Variants in GUCA1C observed in about 807,000 individuals in gnomAD.
GUCA1C encodes the protein guanylyl cyclase-activating protein 3.
A neutral mutation model predicts 16.2 loss-of-function variants in GUCA1C; 15 were observed. The ratio of observed to expected loss-of-function variants is 0.93; its 90% CI spans 0.62 to 1.43. The LOEUF is 1.43. GUCA1C is among the 40% of genes most tolerant of loss of function. The pLI is 0.00. For synonymous variants in GUCA1C, 78 were observed against 85.4 expected, an observed-to-expected ratio of 0.91 and a Z score of 0.48; for missense variants, 275 against 244.8, an observed-to-expected ratio of 1.12 and a Z score of -0.82.
chr3:108,948,282 GGTT>G (rs1946862834), intron 1 of GUCA1C, among the ~76,000 whole-genome samples: 2 of 152,120 alleles, frequency 1.3e-5, no homozygotes, highest in South Asian at 2.1e-4. Flanking sequence ...CACGAGATCT[GGTT>G]GTTTAAAAGT....
intron 1 of GUCA1C, among the ~76,000 whole-genome samples, chr3:108,932,318 C>T (rs2107299731): frequency 8.0e-6 from 1 of 125,174 alleles, no homozygotes; most frequent in Admixed American, 8.1e-5. Context: ...TCCTAGACCT[C>T]CCACCAAAAA....
At chr3:108,926,343 G>A (rs145014882) in intron 1 of GUCA1C, among the ~76,000 whole-genome samples, 25 of 152,272 alleles carry the variant, frequency 1.6e-4, no homozygotes, top group African/African-American at 6.0e-4. Context: ...GTCTCTTGAA[G>A]GCAGCAGATA....
intron 1 of GUCA1C, among the ~76,000 whole-genome samples, chr3:108,932,520 A>G (rs1946679504): frequency 6.6e-6 from 1 of 152,158 alleles, no homozygotes; most frequent in South Asian, 2.1e-4. Context: ...CCAAGTGGCT[A>G]CTGTAGTTGT....
chr3:108,952,805 A>T (rs1946907662), intron 1 of GUCA1C, among the ~76,000 whole-genome samples: 1 of 152,186 alleles, frequency 6.6e-6, no homozygotes, highest in Non-Finnish European at 1.5e-5. Flanking sequence ...TAACCAAAAT[A>T]AACAAGTAAA....
rs59451506 is a variant in GUCA1C, at chr3:108,931,865, C to CTTTTTTTTTTTTTTT, written c.205-11295_205-11281dup. 3.6e-5 allele frequency among the ~76,000 whole-genome samples: 4 copies of CTTTTTTTTTTTTTTT among 110,142 alleles called. 2 individuals are homozygous for CTTTTTTTTTTTTTTT. The highest frequency in any genetic ancestry group is 3.5e-5 in the Non-Finnish European group (2 of 56,606). 72.3% of individuals were successfully genotyped at this position (110,142 alleles called of 152,430 possible). On this transcript the variant is annotated intron_variant, in intron 1 of 3. Coordinates refer to ENST00000261047, the MANE Select transcript of GUCA1C (RefSeq NM_005459.4). ...AAGGGAACAGTTTTTTTTCTTCCTT[C>CTTTTTTTTTTTTTTT]TTTTTTTTTTTTTTTTTTTTTGAGA... is the stretch of plus-strand genomic sequence containing the variant.
rs1452058013 is a variant in GUCA1C at position 108,953,569 on chromosome 3, T to C, written c.194A>G (p.Asp65Gly). 1 of 1,593,042 alleles carries C rather than the reference T, an allele frequency of 6.3e-7. No individual in the cohort carries two copies. The highest frequency in any genetic ancestry group is 8.6e-7 in the Non-Finnish European group (1 of 1,160,778). Residue 65 changes from aspartate (D) to glycine (G), a missense_variant, in exon 1 of 4, where the codon GAC (aspartate) becomes GGC (glycine). Coordinates refer to ENST00000261047, the MANE Select transcript of GUCA1C (RefSeq NM_005459.4). ...AATGAAAGATCTTACCTTGTTCGTG[T>C]CAAAGGTATTATAAACTTGATCAAT... The part of the protein sequence containing the change: ...KHIDQVYNTF[D>G]TNKDGFVDFL...
intron 1 of GUCA1C, among the ~76,000 whole-genome samples, chr3:108,936,379 T>C (rs1946727999): frequency 6.6e-6 from 1 of 152,218 alleles, no homozygotes; most frequent in African/African-American, 2.4e-5. Flanking sequence ...CTGGACACTG[T>C]GTTAGTCACT....
At chr3:108,944,822 G>C (rs1372148531) in intron 1 of GUCA1C, among the ~76,000 whole-genome samples, 1 of 152,176 alleles carries the variant, frequency 6.6e-6, no homozygotes. Context: ...GGGAAATGTG[G>C]GATTTGAGGG....
At chr3:108,922,497 A>T (rs1253830722) in intron 1 of GUCA1C, among the ~76,000 whole-genome samples, 10 of 151,788 alleles carry the variant, frequency 6.6e-5, no homozygotes, top group Non-Finnish European at 1.3e-4. Flanking sequence ...CCACACCAAC[A>T]TTTGTTGTTT....
chr3:108,949,665 T>G (rs1946878567), intron 1 of GUCA1C, among the ~76,000 whole-genome samples: 1 of 152,194 alleles, frequency 6.6e-6, no homozygotes, highest in Admixed American at 6.5e-5. Context: ...ATTGTGACGG[T>G]TGAATGTATT....
At chr3:108,933,204 C>CAATGTAAAGAATCTA (rs1224697666) in intron 1 of GUCA1C, among the ~76,000 whole-genome samples, 12 of 152,088 alleles carry the variant, frequency 7.9e-5, no homozygotes, top group African/African-American at 2.9e-4. Flanking sequence ...ATCTATTTGG[C>CAATGTAAAGAATCTA]AATGGCAGAA....
intron 1 of GUCA1C, among the ~76,000 whole-genome samples, chr3:108,949,756 GGA>G (rs920047536): frequency 2.0e-5 from 3 of 151,966 alleles, no homozygotes; most frequent in Non-Finnish European, 4.4e-5. Flanking sequence ...GCTTTATTAA[GGA>G]ATAGTTGACA....
chr3:108,940,437 G>A (rs1033406436), intron 1 of GUCA1C, among the ~76,000 whole-genome samples: 1 of 152,162 alleles, frequency 6.6e-6, no homozygotes, highest in Admixed American at 6.5e-5. Context: ...ATAACCAAAG[G>A]TCACTTCTGA....
At chr3:108,928,082 G>A (rs991582957) in intron 1 of GUCA1C, among the ~76,000 whole-genome samples, 6 of 152,222 alleles carry the variant, frequency 3.9e-5, no homozygotes, top group Non-Finnish European at 5.9e-5. Context: ...CTTTGCAGTC[G>A]TGGATACCAC....
At chr3:108,912,488 T>C (rs141474116) in intron 3 of GUCA1C, among the ~76,000 whole-genome samples, 91 of 152,116 alleles carry the variant, frequency 6.0e-4, no homozygotes, top group African/African-American at 2.2e-3. Context: ...ATGCTTTTGT[T>C]CGTAATATAA....
chr3:108,943,381 G>A (rs944735526), intron 1 of GUCA1C, among the ~76,000 whole-genome samples: 1 of 152,182 alleles, frequency 6.6e-6, no homozygotes, highest in Non-Finnish European at 1.5e-5. Context: ...GCGTAGACTG[G>A]GAGAAAAGGC....
rs1261425116 is a variant in GUCA1C, at chr3:108,916,169, A to G, written c.400T>C (p.Phe134Leu). Residue 134 changes from phenylalanine to leucine, a missense_variant, in exon 3 of 4, where the codon TTC becomes CTC. Physicochemically the swap from Phe to Leu is conservative, Grantham distance 22 (BLOSUM62 0). Coordinates refer to ENST00000261047, the MANE Select transcript of GUCA1C (RefSeq NM_005459.4). ...ATCTTATGGAACACCAAGTTGATGA[A>G]TTCTTCAGGACTCAGAGTTTGCTGG... ...NGQQTLSPEE[F>L]INLVFHKIDI... 1.6e-5 allele frequency: 26 copies of G among 1,613,608 alleles called. No homozygotes were observed. Among genetic ancestry groups the G allele is most frequent in the Non-Finnish European group, 2.2e-5 (26 of 1,179,656 alleles).
intron 1 of GUCA1C, among the ~76,000 whole-genome samples, chr3:108,940,672 T>A (rs368935065): frequency 6.6e-5 from 10 of 152,320 alleles, no homozygotes; most frequent in African/African-American, 2.4e-4. Context: ...GAAACACCTT[T>A]CGTTTGGAAA....
intron 1 of GUCA1C, among the ~76,000 whole-genome samples, chr3:108,932,607 A>G (rs1336348639): frequency 6.6e-6 from 1 of 152,172 alleles, no homozygotes; most frequent in African/African-American, 2.4e-5. Context: ...CTCAGTCTCA[A>G]AATGATATAT....
Sources: allele counts gnomAD v4.1 joint callset (sites outside exome capture counted in the v4.1 genomes callset), GRCh38; gene constraint gnomAD v4.1.1; transcripts MANE v1.5; gene names NCBI Gene and HGNC (gene_info 2026-07-23, HGNC 2026-07-21).